NONO: variants seen among roughly 807,000 people sequenced by gnomAD.
NONO encodes the protein non-POU domain containing octamer binding.
A neutral mutation model predicts 40.2 loss-of-function variants in NONO; 6 were observed. The ratio of observed to expected loss-of-function variants is 0.15; its 90% CI spans 0.08 to 0.29. NONO has a LOEUF of 0.29. NONO is among the 10% of genes least tolerant of loss of function. The probability of loss-of-function intolerance (pLI) is 1.00; values close to 1 mark genes in which losing one functional copy is unlikely to be tolerated. For missense variants in NONO, 133 were observed against 397.8 expected (o/e 0.33, Z 5.66); for synonymous variants, 89 against 123.3 (o/e 0.72, Z 1.85).
chrX:71,294,733 C>T (rs1172546384), intron 5 of NONO, among the ~76,000 whole-genome samples: 4 of 110,561 alleles, frequency 3.6e-5, no homozygotes, highest in African/African-American at 1.3e-4. Context: ...GCCTGACCAA[C>T]ATGGTGAAAC....
chrX:71,289,458 AT>A (rs1173427980), intron 2 of NONO, among the ~76,000 whole-genome samples: 1 of 108,881 alleles, frequency 9.2e-6, no homozygotes, highest in African/African-American at 3.3e-5. Flanking sequence ...CGCCCGGCTA[AT>A]TTTTTGTATT....
At chrX:71,293,662 T>A (rs1358513170) in intron 4 of NONO, among the ~76,000 whole-genome samples, 1 of 110,438 alleles carries the variant, frequency 9.1e-6, no homozygotes, top group Non-Finnish European at 1.9e-5. Flanking sequence ...GACGGAGTTT[T>A]GCTTTGTTGC....
intron 9 of NONO, 84 bp from the exon 10 acceptor site, chrX:71,298,385 A>G (rs941407679): frequency 3.7e-6 from 3 of 812,066 alleles, no homozygotes; most frequent in African/African-American, 4.0e-5. Context: ...CACTCTATCT[A>G]CTTCCCTTAG....
rs1393347828 is a variant in NONO at position 71,300,386 on chromosome X, G to C, written c.*310G>C. ...AGAGCCCATTAATCTTGATCATTCC[G>C]GTTTTTTTTTTTTTTGTCCATCTTG... is the stretch of plus-strand genomic sequence containing the variant. On this transcript the variant is annotated 3_prime_UTR_variant, in exon 12 of 12. Transcript: ENST00000276079. 3.6e-6 allele frequency: 1 copy of C among 277,836 alleles called. No homozygotes were observed. The highest frequency in any genetic ancestry group is 6.0e-5 in the South Asian group (1 of 16,550). 22.9% of individuals were successfully genotyped at this position (277,836 alleles called of 1,213,427 possible).
intron 2 of NONO, among the ~76,000 whole-genome samples, chrX:71,290,250 T>C (rs1380507292): frequency 9.0e-6 from 1 of 111,144 alleles, no homozygotes; most frequent in African/African-American, 3.3e-5. Context: ...GGTTTCACCA[T>C]GTTGCCCAGG....
chrX:71,298,374 T>C (rs2031498409), intron 9 of NONO, 95 bp from the exon 10 acceptor site: 3 of 747,294 alleles, frequency 4.0e-6, no homozygotes, highest in Middle Eastern at 2.9e-4. Context: ...GGACGTGTTA[T>C]CACTCTATCT....
chrX:71,297,572 C>A, intron 8 of NONO, 111 bp downstream of exon 8: 1 of 608,026 alleles, frequency 1.6e-6, no homozygotes, highest in Non-Finnish European at 2.6e-6. Flanking sequence ...GCAAATATTT[C>A]CTGGCTGCTT....
At chrX:71,296,689 A>G (rs375397061) in intron 6 of NONO, 29 bp downstream of exon 6, 14 of 1,089,054 alleles carry the variant, frequency 1.3e-5, no homozygotes, top group Non-Finnish European at 1.5e-5. Flanking sequence ...TTTCCCTATT[A>G]GGTGTTTCCT....
intron 2 of NONO, among the ~76,000 whole-genome samples, chrX:71,288,683 C>T (rs147416384): frequency 1.9e-4 from 21 of 113,091 alleles, no homozygotes; most frequent in African/African-American, 6.1e-4. Flanking sequence ...TGAGCCATCT[C>T]GCCTGGCCTA....
chrX:71,284,155 A>T (rs1379802648), intron 1 of NONO: 7 of 111,694 alleles, frequency 6.3e-5, no homozygotes, highest in Non-Finnish European at 1.1e-4. Flanking sequence ...CCCTCAAGCG[A>T]TATTTCTTTG....
chrX:71,298,373 A>G, intron 9 of NONO, 96 bp from the exon 10 acceptor site: 3 of 743,913 alleles, frequency 4.0e-6, no homozygotes, highest in Non-Finnish European at 6.4e-6. Context: ...TGGACGTGTT[A>G]TCACTCTATC....
intron 11 of NONO, 89 bp downstream of exon 11, chrX:71,298,905 C>T (rs2031513526): frequency 3.0e-6 from 2 of 677,956 alleles, no homozygotes; most frequent in African/African-American, 2.2e-5. Flanking sequence ...GGGCCTACCT[C>T]AGTTTGCTAT....
Position 71,297,860 on chromosome X carries a change from TGAA to T in NONO, c.1059_1061del (p.Glu354del), listed in dbSNP as rs2031486669. The T allele has an allele frequency of 8.3e-7, 1 of 1,208,438 alleles. No individual in the cohort carries two copies. ...GGCAGGAGGAAGAGCGCAGGCGCCGTGAAGAAGAGATGCGGCGGCAGCAAGAAG... is the reference window on the plus strand; with the variant it reads ...GGCAGGAGGAAGAGCGCAGGCGCCGTGAAGAGATGCGGCGGCAGCAAGAAG... On this transcript the variant is annotated inframe_deletion, in exon 9 of 12. Transcript: ENST00000276079.
At chrX:71,290,292 T>C (rs1343955238) in intron 2 of NONO, among the ~76,000 whole-genome samples, 2 of 111,462 alleles carry the variant, frequency 1.8e-5, no homozygotes, top group African/African-American at 6.5e-5. Context: ...CCAGCAGTCC[T>C]CCCACCTCCG....
At chrX:71,294,684 G>A (rs977249205) in intron 5 of NONO, among the ~76,000 whole-genome samples, 156 bp downstream of exon 5, 4 of 112,190 alleles carry the variant, frequency 3.6e-5, no homozygotes, top group African/African-American at 6.5e-5. Context: ...TTGGGAGGCC[G>A]GGGCAGGCGG....
Position 71,300,560 on chromosome X carries a change from C to A in NONO, c.*484C>A. 1 of 191,364 alleles carries A rather than the reference C, an allele frequency of 5.2e-6. No individual in the cohort carries two copies. Among genetic ancestry groups the A allele is most frequent in the East Asian group, 8.2e-5 (1 of 12,170 alleles). 15.8% of individuals were successfully genotyped at this position (191,364 alleles called of 1,213,427 possible). On this transcript the variant is annotated 3_prime_UTR_variant, in exon 12 of 12. Transcript: ENST00000276079. ...TTGAACTCCTGACCTCGTGATCTAC[C>A]CACCTCGGCCTCCCAAAATGCTGGG... is the stretch of plus-strand genomic sequence containing the variant.
In NONO at chrX:71,290,697, T is replaced by C. The variant is rs763196196; in HGVS notation, c.60T>C (p.His20=). The stretch of plus-strand genomic sequence containing the variant: ...AAAACCATACTCCAAGAAAGCATCA[T>C]CAACATCACCACCAGCAGCAGCACC... ...EKQNHTPRKH[H]QHHHQQQHHQ... is the part of the protein sequence containing the mutation. Residue 20 remains histidine, a synonymous_variant, in exon 3 of 12, where the codon CAT becomes CAC. Coordinates refer to ENST00000276079, the MANE Select transcript of NONO (RefSeq NM_007363.5). 1.1e-4 allele frequency: 135 copies of C among 1,206,492 alleles called. No homozygotes were observed. Among genetic ancestry groups the C allele is most frequent in the Non-Finnish European group, 1.5e-4 (134 of 893,212 alleles).
chrX:71,286,639 G>A (rs990795786), intron 2 of NONO, among the ~76,000 whole-genome samples: 36 of 111,528 alleles, frequency 3.2e-4, no homozygotes, highest in African/African-American at 1.1e-3. Context: ...AGACATACTC[G>A]TGTTTATGTG....
At chrX:71,287,838 T>C (rs1314527164) in intron 2 of NONO, among the ~76,000 whole-genome samples, 1 of 104,078 alleles carries the variant, frequency 9.6e-6, no homozygotes, top group African/African-American at 3.5e-5. Flanking sequence ...CATGAGCCAC[T>C]GCACCTGGCC....
Sources: gnomAD v4.1 joint callset for allele counts (sites outside exome capture counted in the v4.1 genomes callset) on GRCh38, gnomAD v4.1.1 for gene constraint, MANE v1.5 for transcripts, NCBI Gene and HGNC (gene_info 2026-07-23, HGNC 2026-07-21) for gene names.